The following FARP1 variants were observed in gnomAD, a reference collection of about 807,000 sequenced individuals.
FARP1 encodes the protein FERM, ARHGEF and pleckstrin domain-containing protein 1.
A neutral mutation model predicts 128.8 loss-of-function variants in FARP1; 52 were observed. The ratio of observed to expected loss-of-function variants is 0.40; its 90% confidence interval spans 0.32 to 0.51. The LOEUF is 0.51. Ranked by LOEUF, FARP1 falls within the 20% of genes least tolerant of loss-of-function variation. The pLI, the probability that FARP1 is intolerant of heterozygous loss-of-function variation, is 0.45. For missense variants in FARP1, 1,333 were observed against 1,367.9 expected (o/e 0.97, Z 0.40); for synonymous variants, 580 against 551.8 (o/e 1.05, Z -0.72).
chr13:98,177,044 T>C, intron 1 of FARP1: 2 of 1,594,132 alleles, frequency 1.3e-6, no homozygotes, highest in Non-Finnish European at 1.7e-6. Context: ...CCCCGGGGCC[T>C]CGGTGCCACC....
Position 98,378,042 on chromosome 13 carries a change from G to A in FARP1, c.496+124G>A, listed in dbSNP as rs1262166399. 4.6e-5 allele frequency: 33 copies of A among 716,844 alleles called. No individual in the cohort carries two copies. In the East Asian group the frequency reaches 6.2e-4, roughly 13 times the overall value. 44.4% of individuals were successfully genotyped at this position (716,844 alleles called of 1,614,324 possible). Reference sequence around the variant, plus strand: ...TGTTTTTGTGTTATTTTTGCTGTTCGTATGAAGGCCTACGGGTGGAAGAGA... The same window carrying A: ...TGTTTTTGTGTTATTTTTGCTGTTCATATGAAGGCCTACGGGTGGAAGAGA... On this transcript the variant is annotated intron_variant, in intron 6 of 26. Coordinates refer to ENST00000319562, the MANE Select transcript of FARP1 (RefSeq NM_005766.4).
At chr13:98,177,908 C>CA (rs1157182146) in intron 1 of FARP1, 2 of 152,150 alleles carry the variant, frequency 1.3e-5, no homozygotes, top group African/African-American at 4.8e-5. Flanking sequence ...GTGCAGAAAA[C>CA]AAAAACAGAT....
chr13:98,323,520 C>T (rs558926832), intron 2 of FARP1, among the ~76,000 whole-genome samples: 3 of 150,326 alleles, frequency 2.0e-5, no homozygotes, highest in African/African-American at 7.3e-5. Flanking sequence ...GAATTTATGT[C>T]TGTTAAATAT....
chr13:98,307,544 T>A (rs191007112), intron 2 of FARP1, among the ~76,000 whole-genome samples: 1 of 152,270 alleles, frequency 6.6e-6, no homozygotes, highest in Admixed American at 6.5e-5. Flanking sequence ...GCTACAGGCC[T>A]CGAGTCTTTG....
chr13:98,153,961 A>G (rs1243376668), intron 1 of FARP1, among the ~76,000 whole-genome samples: 1 of 152,144 alleles, frequency 6.6e-6, no homozygotes, highest in East Asian at 1.9e-4. Context: ...CTGCACCCCC[A>G]GTCCCTGTTA....
intron 1 of FARP1, among the ~76,000 whole-genome samples, chr13:98,186,975 G>A (rs900846078): frequency 7.7e-6 from 1 of 130,548 alleles, no homozygotes; most frequent in African/African-American, 3.0e-5. Context: ...CTGGGAGATG[G>A]AGCGAGATTC....
At chr13:98,386,027 A>T (rs1024985486) in intron 8 of FARP1, 1 of 537,926 alleles carries the variant, frequency 1.9e-6, no homozygotes, top group African/African-American at 1.9e-5. Flanking sequence ...GGGAATCCAC[A>T]TTACAGATTT....
At chr13:98,420,721 C>T (rs778761735) in intron 16 of FARP1, among the ~76,000 whole-genome samples, 3 of 152,180 alleles carry the variant, frequency 2.0e-5, no homozygotes, top group Non-Finnish European at 4.4e-5. Context: ...TGTGGCCCTG[C>T]CTTGCAGACA....
chr13:98,364,569 C>T (rs1889003122), intron 3 of FARP1, among the ~76,000 whole-genome samples: 1 of 152,154 alleles, frequency 6.6e-6, no homozygotes, highest in African/African-American at 2.4e-5. Context: ...TTCTATTAAG[C>T]ACATTAACTT....
At chr13:98,330,392 T>A (rs1887451018) in intron 2 of FARP1, among the ~76,000 whole-genome samples, 2 of 152,172 alleles carry the variant, frequency 1.3e-5, no homozygotes, top group African/African-American at 4.8e-5. Flanking sequence ...GGAAATTGTT[T>A]ATGTGATAAG....
intron 1 of FARP1, among the ~76,000 whole-genome samples, chr13:98,150,466 TC>T (rs1156956125): frequency 3.3e-5 from 5 of 152,204 alleles, no homozygotes; most frequent in African/African-American, 1.2e-4. Context: ...TGTGTATAAA[TC>T]CTTTGTAAAG....
intron 2 of FARP1, among the ~76,000 whole-genome samples, chr13:98,253,869 G>A (rs1471444748): frequency 5.9e-5 from 9 of 152,184 alleles, no homozygotes; most frequent in Non-Finnish European, 2.9e-5. Flanking sequence ...TGGGTTTGAG[G>A]TCAGAATCCA....
At chr13:98,236,437 C>T (rs1040863478) in intron 2 of FARP1, among the ~76,000 whole-genome samples, 19 of 152,088 alleles carry the variant, frequency 1.2e-4, no homozygotes, top group African/African-American at 2.9e-4. Flanking sequence ...ACATCTCCTA[C>T]GTGCATTTCT....
chr13:98,372,946 A>G (rs531335884), intron 5 of FARP1, among the ~76,000 whole-genome samples: 2 of 152,334 alleles, frequency 1.3e-5, no homozygotes, highest in South Asian at 4.1e-4. Flanking sequence ...GGACAGTACT[A>G]AAGGTGTTGC....
intron 2 of FARP1, among the ~76,000 whole-genome samples, chr13:98,218,781 A>T (rs943820789): frequency 9.2e-5 from 14 of 152,204 alleles, no homozygotes; most frequent in African/African-American, 3.1e-4. Flanking sequence ...GCTGAACTCT[A>T]TGCTGTTTGA....
chr13:98,154,021 T>C (rs1295037153), intron 1 of FARP1, among the ~76,000 whole-genome samples: 2 of 152,238 alleles, frequency 1.3e-5, no homozygotes, highest in African/African-American at 2.4e-5. Context: ...TTTTCCAGTA[T>C]GTCATATAAA....
intron 24 of FARP1, among the ~76,000 whole-genome samples, chr13:98,441,621 C>T (rs1366509564): frequency 6.6e-6 from 1 of 152,192 alleles, no homozygotes; most frequent in African/African-American, 2.4e-5. Context: ...CTTCTCACAC[C>T]AGGTGGGCCA....
At chr13:98,264,042 A>G (rs1446051427) in intron 2 of FARP1, among the ~76,000 whole-genome samples, 1 of 152,192 alleles carries the variant, frequency 6.6e-6, no homozygotes, top group South Asian at 2.1e-4. Context: ...GCACTGGGCA[A>G]AAGTGTGTTA....
intron 2 of FARP1, among the ~76,000 whole-genome samples, chr13:98,256,948 G>GGTATGTAT (rs59128917): frequency 2.6e-5 from 2 of 77,076 alleles, no homozygotes; most frequent in Non-Finnish European, 5.4e-5. Flanking sequence ...TATATATGTG[G>GGTATGTAT]ATATATATAT....
Sources: gnomAD v4.1 joint callset for allele counts (sites outside exome capture counted in the v4.1 genomes callset) on GRCh38, gnomAD v4.1.1 for gene constraint, MANE v1.5 for transcripts, NCBI Gene and HGNC (gene_info 2026-07-23, HGNC 2026-07-21) for gene names.